Variants in MDGA2 observed in about 807,000 individuals in gnomAD.
MDGA2 encodes MAM domain containing glycosylphosphatidylinositol anchor 2, also known as MAM domain-containing glycosylphosphatidylinositol anchor protein 2.
In MDGA2, 40 loss-of-function variants were observed where a neutral mutation model predicts 117.8. That is an observed-to-expected ratio of 0.34 (90% confidence interval 0.26 to 0.44). The LOEUF is 0.44. MDGA2 is among the 20% of genes least tolerant of loss of function. The pLI, the probability that MDGA2 is intolerant of heterozygous loss-of-function variation, is 1.00. For synonymous variants in MDGA2, 452 were observed against 439.0 expected (o/e 1.03, Z -0.37); for missense variants, 1,123 against 1,250.6 (o/e 0.90, Z 1.54).
Position 46,845,885 on chromosome 14 carries a change from T to A in MDGA2, c.2884-14A>T. 1.9e-6 allele frequency: 3 copies of A among 1,576,344 alleles called. No homozygotes were observed. The highest frequency in any genetic ancestry group is 1.1e-5 in the South Asian group (1 of 90,122). ...TTCAAAAATGAGCTACAAATATGAA[T>A]GAAACAAACCTAAATGTGGAGCTTT... On this transcript the variant is annotated splice_polypyrimidine_tract_variant and intron_variant, in intron 15 of 16. Coordinates refer to ENST00000399232, the MANE Select transcript of MDGA2 (RefSeq NM_001113498.3).
chr14:47,602,581 A>G (rs1400911986), intron 1 of MDGA2, among the ~76,000 whole-genome samples: 1 of 152,186 alleles, frequency 6.6e-6, no homozygotes. Context: ...GTCTCTATCA[A>G]AAACTATTTA....
intron 9 of MDGA2, among the ~76,000 whole-genome samples, chr14:46,952,486 A>G (rs755987382): frequency 6.6e-6 from 1 of 152,038 alleles, no homozygotes; most frequent in Non-Finnish European, 1.5e-5. Context: ...ATAATTTTCT[A>G]GACTGTTTAA....
chr14:47,047,620 A>T (rs1889310050), intron 7 of MDGA2, among the ~76,000 whole-genome samples: 1 of 152,110 alleles, frequency 6.6e-6, no homozygotes, highest in African/African-American at 2.4e-5. Context: ...AAGGTATGGC[A>T]TATAGTAAAC....
intron 8 of MDGA2, among the ~76,000 whole-genome samples, chr14:47,012,037 A>T (rs897605211): frequency 1.3e-5 from 2 of 152,020 alleles, no homozygotes; most frequent in African/African-American, 4.8e-5. Context: ...ATTTTTTTAC[A>T]TTAAGATTTT....
chr14:47,217,340 A>C (rs555857556), intron 3 of MDGA2, among the ~76,000 whole-genome samples: 8 of 152,276 alleles, frequency 5.3e-5, no homozygotes, highest in South Asian at 4.1e-4. Context: ...AGACCAAATT[A>C]AATGTAGGCC....
chr14:47,511,547 T>G (rs1894641119), intron 1 of MDGA2, among the ~76,000 whole-genome samples: 1 of 152,190 alleles, frequency 6.6e-6, no homozygotes, highest in Non-Finnish European at 1.5e-5. Context: ...TAAAGTTTCT[T>G]TTTGTGGAAA....
chr14:46,852,874 C>G (rs763702170), intron 15 of MDGA2, among the ~76,000 whole-genome samples: 108 of 151,930 alleles, frequency 7.1e-4, no homozygotes, highest in Non-Finnish European at 8.8e-5. Flanking sequence ...CTCAAGAATA[C>G]TTATAAGAAT....
At chr14:47,440,352 G>A (rs1364174716) in intron 1 of MDGA2, among the ~76,000 whole-genome samples, 3 of 152,076 alleles carry the variant, frequency 2.0e-5, no homozygotes, top group Non-Finnish European at 4.4e-5. Context: ...TATGTCCATG[G>A]GACTTTGTTT....
chr14:47,340,717 T>A (rs1437751232), intron 1 of MDGA2, among the ~76,000 whole-genome samples: 1 of 152,186 alleles, frequency 6.6e-6, no homozygotes, highest in African/African-American at 2.4e-5. Context: ...TGCAATAGCA[T>A]GGCAAATGTC....
chr14:47,494,137 T>G (rs1463741532), intron 1 of MDGA2, among the ~76,000 whole-genome samples: 2 of 152,176 alleles, frequency 1.3e-5, no homozygotes, highest in Non-Finnish European at 2.9e-5. Context: ...TCACCATGAT[T>G]GTAAGTTTCC....
intron 15 of MDGA2, among the ~76,000 whole-genome samples, 174 bp downstream of exon 15, chr14:46,854,850 C>T (rs561135973): frequency 1.3e-4 from 20 of 151,780 alleles, no homozygotes; most frequent in South Asian, 4.2e-4. Context: ...AAAGGAAAAG[C>T]GCATTTATCT....
intron 1 of MDGA2, among the ~76,000 whole-genome samples, chr14:47,448,797 A>G (rs1404249665): frequency 1.3e-5 from 2 of 152,208 alleles, no homozygotes; most frequent in Non-Finnish European, 2.9e-5. Context: ...TCAGTGGTCC[A>G]GGACTTGCAG....
intron 1 of MDGA2, among the ~76,000 whole-genome samples, chr14:47,380,670 G>C (rs901170419): frequency 2.6e-5 from 4 of 151,986 alleles, no homozygotes; most frequent in Admixed American, 6.6e-5. Context: ...GGAAGAATCT[G>C]AATCCCTGAA....
intron 10 of MDGA2, among the ~76,000 whole-genome samples, chr14:46,903,097 C>T (rs573803390): frequency 1.7e-4 from 26 of 152,236 alleles, no homozygotes; most frequent in African/African-American, 3.9e-4. Context: ...GAGGTGGGAG[C>T]GCTGGCAGGA....
At chr14:47,019,523 A>T (rs189103672) in intron 8 of MDGA2, among the ~76,000 whole-genome samples, 1 of 152,306 alleles carries the variant, frequency 6.6e-6, no homozygotes, top group East Asian at 1.9e-4. Flanking sequence ...GATTTGGAAC[A>T]ATCAACATTT....
At chr14:47,428,075 C>A (rs573083542) in intron 1 of MDGA2, among the ~76,000 whole-genome samples, 1 of 152,166 alleles carries the variant, frequency 6.6e-6, no homozygotes, top group Non-Finnish European at 1.5e-5. Context: ...GATCTGTTCA[C>A]AAGGAAACTT....
intron 1 of MDGA2, among the ~76,000 whole-genome samples, chr14:47,551,601 A>T (rs1279118051): frequency 6.6e-6 from 1 of 152,180 alleles, no homozygotes; most frequent in Non-Finnish European, 1.5e-5. Context: ...ACATCTCTGC[A>T]TTATCAGACA....
At chr14:47,643,393 T>C (rs1285793508) in intron 1 of MDGA2, among the ~76,000 whole-genome samples, 3 of 152,098 alleles carry the variant, frequency 2.0e-5, no homozygotes, top group Non-Finnish European at 4.4e-5. Context: ...TTTTTGGACA[T>C]GCATATGTAA....
At chr14:47,167,059 C>T (rs150983837) in intron 3 of MDGA2, among the ~76,000 whole-genome samples, 9 of 152,274 alleles carry the variant, frequency 5.9e-5, no homozygotes, top group African/African-American at 2.2e-4. Flanking sequence ...AATGTAGACT[C>T]TGACCAGTCA....
Sources: allele counts gnomAD v4.1 joint callset (sites outside exome capture counted in the v4.1 genomes callset), GRCh38; gene constraint gnomAD v4.1.1; transcripts MANE v1.5; gene names NCBI Gene and HGNC (gene_info 2026-07-23, HGNC 2026-07-21).